The following ESRRG variants were observed in gnomAD, a reference collection of about 807,000 sequenced individuals.
The protein encoded by ESRRG is estrogen related receptor gamma, also known as estrogen-related receptor gamma.
A neutral mutation model predicts 44.0 loss-of-function variants in ESRRG; 13 were observed. That is an observed-to-expected ratio of 0.30 (90% CI 0.19 to 0.47). The LOEUF (loss-of-function observed/expected upper bound fraction) is 0.47, where lower values mean the gene tolerates loss of function less well. Among genes scored for constraint, ESRRG ranks in the 20% least tolerant of loss-of-function variants. The probability of loss-of-function intolerance (pLI) is 1.00; values close to 1 mark genes in which losing one functional copy is unlikely to be tolerated. For missense variants in ESRRG, 395 were observed against 580.6 expected (o/e 0.68, Z 3.29); for synonymous variants, 215 against 214.6 (o/e 1.00, Z -0.02).
intron 2 of ESRRG, among the ~76,000 whole-genome samples, chr1:216,921,251 G>T (rs1213561026): frequency 1.3e-5 from 2 of 152,134 alleles, no homozygotes; most frequent in African/African-American, 2.4e-5. Flanking sequence ...GAGTAAGACA[G>T]TGTGTTCTCT....
At chr1:217,058,310 C>T (rs1019218158) in intron 1 of ESRRG, among the ~76,000 whole-genome samples, 1 of 152,070 alleles carries the variant, frequency 6.6e-6, no homozygotes, top group Non-Finnish European at 1.5e-5. Flanking sequence ...TTATATCCAG[C>T]AAAACTGACT....
At chr1:217,095,668 A>G (rs902109122) in intron 1 of ESRRG, among the ~76,000 whole-genome samples, 1 of 152,244 alleles carries the variant, frequency 6.6e-6, no homozygotes. Context: ...AAAATAATGA[A>G]TTTGGTTTAA....
intron 1 of ESRRG, among the ~76,000 whole-genome samples, chr1:216,954,955 TGG>T (rs2067674791): frequency 6.6e-6 from 1 of 152,118 alleles, no homozygotes; most frequent in South Asian, 2.1e-4. Context: ...CGGTATAGAG[TGG>T]TATTTCGATA....
intron 1 of ESRRG, among the ~76,000 whole-genome samples, chr1:217,076,550 G>A (rs750446229): frequency 1.3e-5 from 2 of 152,174 alleles, no homozygotes; most frequent in Non-Finnish European, 2.9e-5. Flanking sequence ...TATCTGGGTA[G>A]ATGAAAACTC....
chr1:216,591,841 G>A (rs188148528), intron 3 of ESRRG, among the ~76,000 whole-genome samples: 3 of 152,202 alleles, frequency 2.0e-5, no homozygotes, highest in Admixed American at 6.5e-5. Flanking sequence ...GGTCTACCTT[G>A]ACATAAATAA....
At chr1:217,004,988 T>C in intron 1 of ESRRG, among the ~76,000 whole-genome samples, 1 of 152,162 alleles carries the variant, frequency 6.6e-6, no homozygotes, top group East Asian at 1.9e-4. Flanking sequence ...TAGTTAGTAA[T>C]AATGGTTCTA....
chr1:216,814,469 A>C (rs1559738960), intron 2 of ESRRG, among the ~76,000 whole-genome samples: 2 of 152,218 alleles, frequency 1.3e-5, no homozygotes, highest in South Asian at 4.1e-4. Flanking sequence ...GCCAAATCCA[A>C]ATATTAACTT....
intron 1 of ESRRG, among the ~76,000 whole-genome samples, chr1:217,040,736 A>G (rs2083710106): frequency 6.6e-6 from 1 of 152,188 alleles, no homozygotes; most frequent in Non-Finnish European, 1.5e-5. Flanking sequence ...TAATTTGCCC[A>G]ATAACACACT....
intron 2 of ESRRG, among the ~76,000 whole-genome samples, chr1:216,915,927 T>C (rs1056953953): frequency 6.6e-6 from 1 of 152,176 alleles, no homozygotes; most frequent in Non-Finnish European, 1.5e-5. Context: ...ATCCAAACTC[T>C]AGGAGATCTT....
At chr1:216,534,759 G>C (rs1360615961) in intron 5 of ESRRG, among the ~76,000 whole-genome samples, 1 of 152,120 alleles carries the variant, frequency 6.6e-6, no homozygotes, top group East Asian at 1.9e-4. Flanking sequence ...AGGTTCGTTT[G>C]ACAACCGTAG....
chr1:217,022,813 A>G (rs528108127), intron 1 of ESRRG, among the ~76,000 whole-genome samples: 15 of 152,190 alleles, frequency 9.9e-5, no homozygotes, highest in African/African-American at 3.4e-4. Flanking sequence ...TATGTGCTGG[A>G]AAGAAGGAAG....
rs887162553 is a variant in ESRRG at position 216,584,447 on chromosome 1, G to A, written c.590-16349C>T. Among the ~76,000 whole-genome samples the A allele has an allele frequency of 3.5e-4, 53 of 151,940 alleles. 1 individual carries two copies. Among genetic ancestry groups the A allele is most frequent in the African/African-American group, 1.2e-3 (51 of 41,446 alleles). On this transcript the variant is annotated intron_variant, in intron 3 of 6. Coordinates refer to ENST00000408911, the MANE Select transcript of ESRRG (RefSeq NM_001438.4). ...AATTTTTTGTATTTTTAGCAGAGACGGGGTTTCACCGTGTTGGCCAGGATG... is the reference window on the plus strand; with the variant it reads ...AATTTTTTGTATTTTTAGCAGAGACAGGGTTTCACCGTGTTGGCCAGGATG...
At chr1:216,908,627 G>A (rs2059948468) in intron 2 of ESRRG, among the ~76,000 whole-genome samples, 1 of 152,070 alleles carries the variant, frequency 6.6e-6, no homozygotes, top group South Asian at 2.1e-4. Flanking sequence ...ATGTCTTTGT[G>A]AGAGTCCCCT....
At chr1:217,074,453 A>C (rs12754262) in intron 1 of ESRRG, among the ~76,000 whole-genome samples, 7,555 of 71,704 alleles carry the variant, frequency 0.11, 229 homozygotes, top group African/African-American at 0.12. Context: ...CACCCCCCCC[A>C]AAAAAAAAAA....
At chr1:217,076,589 T>C (rs2091318975) in intron 1 of ESRRG, among the ~76,000 whole-genome samples, 1 of 152,198 alleles carries the variant, frequency 6.6e-6, no homozygotes, top group African/African-American at 2.4e-5. Context: ...CTTCTCACAG[T>C]ATCTGCATGT....
chr1:217,080,306 T>G (rs2091641228), intron 1 of ESRRG, among the ~76,000 whole-genome samples: 1 of 152,144 alleles, frequency 6.6e-6, no homozygotes, highest in African/African-American at 2.4e-5. Flanking sequence ...TGAAAAAAAC[T>G]CAAGTTGGGT....
At chr1:216,843,214 T>C (rs11572566) in intron 2 of ESRRG, among the ~76,000 whole-genome samples, 2 of 140,660 alleles carry the variant, frequency 1.4e-5, no homozygotes, top group Non-Finnish European at 3.0e-5. Context: ...TCAAATTTTG[T>C]TTTTTTTTAA....
chr1:216,799,333 C>T (rs1179562289), intron 2 of ESRRG, among the ~76,000 whole-genome samples: 1 of 152,078 alleles, frequency 6.6e-6, no homozygotes, highest in Non-Finnish European at 1.5e-5. Context: ...TGTCTTGCTT[C>T]TTCTTCCATA....
In ESRRG at chr1:216,799,817, A is replaced by T. The variant is rs915206592; in HGVS notation, c.-13-122326T>A. Among the ~76,000 whole-genome samples, 5 of 152,170 alleles carry T rather than the reference A, an allele frequency of 3.3e-5. No homozygotes were observed. In the East Asian group the frequency reaches 7.7e-4, roughly 23 times the overall value. On this transcript the variant is annotated intron_variant, in intron 2 of 7. Transcript: ENST00000359162. ...AAAGCAAAACAGAAACATTCCAGGC[A>T]CTTCCACGGGACTGGGTGAATTTAT...
Sources: allele counts gnomAD v4.1 joint callset (sites outside exome capture counted in the v4.1 genomes callset), GRCh38; gene constraint gnomAD v4.1.1; transcripts MANE v1.5; gene names NCBI Gene and HGNC (gene_info 2026-07-23, HGNC 2026-07-21).